The following SLC24A3 variants were observed in gnomAD, a reference collection of about 807,000 sequenced individuals.
SLC24A3 encodes solute carrier family 24 member 3.
SLC24A3 carries 28 observed loss-of-function variants against 75.8 expected under a neutral mutation model. The observed-to-expected ratio is 0.37, with a 90% CI of 0.27 to 0.51. The LOEUF is 0.51. Ranked by LOEUF, SLC24A3 falls within the 20% of genes least tolerant of loss-of-function variation. The pLI, the probability that SLC24A3 is intolerant of heterozygous loss-of-function variation, is 0.94. For missense variants in SLC24A3, 663 were observed against 847.8 expected (o/e 0.78, Z 2.71); for synonymous variants, 372 against 334.1 (o/e 1.11, Z -1.24).
chr20:19,301,364 G>C (rs767542496), intron 2 of SLC24A3, among the ~76,000 whole-genome samples: 1 of 152,164 alleles, frequency 6.6e-6, no homozygotes. Context: ...TCTTAAGACC[G>C]TAAGTTAGTC....
At chr20:19,709,155 A>C (rs2032962706) in intron 15 of SLC24A3, among the ~76,000 whole-genome samples, 1 of 152,000 alleles carries the variant, frequency 6.6e-6, no homozygotes, top group Non-Finnish European at 1.5e-5. Context: ...TCTCAGAATG[A>C]CTCCATCCGA....
At chr20:19,698,469 C>T in intron 14 of SLC24A3, 99 bp from the exon 15 acceptor site, 1 of 753,712 alleles carries the variant, frequency 1.3e-6, no homozygotes, top group Non-Finnish European at 2.2e-6. Context: ...TGTGAGCTTG[C>T]AGAACCACTC....
intron 2 of SLC24A3, among the ~76,000 whole-genome samples, chr20:19,357,813 GC>G (rs1985716905): frequency 6.6e-6 from 1 of 152,242 alleles, no homozygotes; most frequent in South Asian, 2.1e-4. Flanking sequence ...CAGATAATGG[GC>G]AAAGCCATGC....
intron 3 of SLC24A3, among the ~76,000 whole-genome samples, chr20:19,577,143 C>G (rs1282372821): frequency 6.6e-6 from 1 of 152,036 alleles, no homozygotes; most frequent in Admixed American, 6.6e-5. Flanking sequence ...CAAGCTCCCC[C>G]TCCCAGGTTC....
chr20:19,590,581 G>A (rs544720244), intron 6 of SLC24A3, among the ~76,000 whole-genome samples: 1 of 152,312 alleles, frequency 6.6e-6, no homozygotes, highest in African/African-American at 2.4e-5. Flanking sequence ...CAAGAGGGCA[G>A]GTGTGGCAGA....
intron 2 of SLC24A3, among the ~76,000 whole-genome samples, chr20:19,424,432 G>A (rs534345356): frequency 6.6e-6 from 1 of 152,336 alleles, no homozygotes; most frequent in Admixed American, 6.5e-5. Flanking sequence ...GCTCATGCCA[G>A]TAATCCCAGC....
At chr20:19,474,521 A>C (rs1170451824) in intron 2 of SLC24A3, among the ~76,000 whole-genome samples, 1 of 152,236 alleles carries the variant, frequency 6.6e-6, no homozygotes, top group African/African-American at 2.4e-5. Flanking sequence ...TAATGGTAGA[A>C]TATCTACCAG....
At chr20:19,485,172 A>G (rs757435232) in intron 2 of SLC24A3, among the ~76,000 whole-genome samples, 9 of 152,078 alleles carry the variant, frequency 5.9e-5, no homozygotes, top group African/African-American at 9.7e-5. Context: ...CCTTCTAGGA[A>G]TTTATCTTCT....
chr20:19,215,338 C>T (rs967507849), intron 1 of SLC24A3, among the ~76,000 whole-genome samples: 2 of 152,038 alleles, frequency 1.3e-5, no homozygotes, highest in African/African-American at 4.8e-5. Context: ...ACACAGCATT[C>T]GAAGAGTAGA....
chr20:19,213,036 G>T (rs1447700817), intron 1 of SLC24A3, 52 bp downstream of exon 1: 1 of 1,182,698 alleles, frequency 8.5e-7, no homozygotes, highest in East Asian at 3.4e-5. Flanking sequence ...GGCGGCTCGG[G>T]GCTCCCGGGG....
At chr20:19,281,255 G>A (rs1423348336) in intron 2 of SLC24A3, among the ~76,000 whole-genome samples, 168 bp downstream of exon 2, 2 of 152,206 alleles carry the variant, frequency 1.3e-5, no homozygotes, top group African/African-American at 4.8e-5. Context: ...GGACTATTAA[G>A]TTGTGTTTTG....
intron 3 of SLC24A3, among the ~76,000 whole-genome samples, chr20:19,539,023 C>T (rs376330216): frequency 1.3e-5 from 2 of 152,080 alleles, no homozygotes; most frequent in East Asian, 3.9e-4. Flanking sequence ...CTGTATGATC[C>T]CACTTATATT....
At chr20:19,713,649 A>G (rs973961440) in intron 15 of SLC24A3, among the ~76,000 whole-genome samples, 6 of 152,112 alleles carry the variant, frequency 3.9e-5, no homozygotes, top group Non-Finnish European at 8.8e-5. Flanking sequence ...CTAGTAAGCT[A>G]TTGTTCAGTG....
At chr20:19,391,750 A>G (rs1393519640) in intron 2 of SLC24A3, among the ~76,000 whole-genome samples, 1 of 152,202 alleles carries the variant, frequency 6.6e-6, no homozygotes, top group Non-Finnish European at 1.5e-5. Flanking sequence ...GGCTGACCCC[A>G]AGAGAGTTTA....
At chr20:19,458,751 G>A (rs974222499) in intron 2 of SLC24A3, among the ~76,000 whole-genome samples, 9 of 152,090 alleles carry the variant, frequency 5.9e-5, no homozygotes, top group African/African-American at 2.2e-4. Context: ...ATCCCAGACT[G>A]TATTTTTCAC....
At chr20:19,366,646 G>A (rs1395124475) in intron 2 of SLC24A3, among the ~76,000 whole-genome samples, 6 of 152,100 alleles carry the variant, frequency 3.9e-5, no homozygotes, top group Admixed American at 3.9e-4. Flanking sequence ...CCTTAGTAAA[G>A]ATGAGTGGGA....
At chr20:19,658,456 A>G (rs942871700) in intron 7 of SLC24A3, among the ~76,000 whole-genome samples, 2 of 152,210 alleles carry the variant, frequency 1.3e-5, no homozygotes, top group Non-Finnish European at 2.9e-5. Context: ...CCACTTCCCT[A>G]TTCGGGTATT....
chr20:19,710,931 G>A (rs1025802198), intron 15 of SLC24A3, among the ~76,000 whole-genome samples: 6 of 152,148 alleles, frequency 3.9e-5, no homozygotes, highest in African/African-American at 9.7e-5. Flanking sequence ...TGTTACTTGC[G>A]GAGATCGGCT....
intron 6 of SLC24A3, among the ~76,000 whole-genome samples, chr20:19,590,083 T>C (rs2031352420): frequency 6.6e-6 from 1 of 151,854 alleles, no homozygotes; most frequent in Admixed American, 6.6e-5. Flanking sequence ...AAAATGGTGG[T>C]AGCCCCTGCT....
Sources: gnomAD v4.1 joint callset for allele counts (sites outside exome capture counted in the v4.1 genomes callset) on GRCh38, gnomAD v4.1.1 for gene constraint, MANE v1.5 for transcripts, NCBI Gene and HGNC (gene_info 2026-07-23, HGNC 2026-07-21) for gene names.